The following AGFG2 variants were observed in gnomAD, a reference collection of about 807,000 sequenced individuals.
AGFG2 encodes the protein ArfGAP with FG repeats 2, also known as arf-GAP domain and FG repeat-containing protein 2.
A neutral mutation model predicts 48.0 loss-of-function variants in AGFG2; 31 were observed. The ratio of observed to expected loss-of-function variants is 0.65; its 90% CI spans 0.49 to 0.87. The LOEUF is 0.87. Ranked by LOEUF, AGFG2 falls within the 40% of genes least tolerant of loss-of-function variation. The probability of loss-of-function intolerance (pLI) is 0.00; values close to 1 mark genes in which losing one functional copy is unlikely to be tolerated. For synonymous variants in AGFG2, 229 were observed against 260.8 expected, an observed-to-expected ratio of 0.88 and a Z score of 1.18; for missense variants, 599 against 632.6, an observed-to-expected ratio of 0.95 and a Z score of 0.57.
chr7:100,564,600 T>C (rs1213278116), intron 11 of AGFG2, among the ~76,000 whole-genome samples: 1 of 150,934 alleles, frequency 6.6e-6, no homozygotes, highest in Admixed American at 6.6e-5. Flanking sequence ...ACCTCCTGAG[T>C]TCAAGCAATT....
chr7:100,562,297 G>A lies in AGFG2; in HGVS notation c.916G>A (p.Ala306Thr), dbSNP rs34537355. The A allele has an allele frequency of 4.3e-6, 7 of 1,612,818 alleles. No homozygotes were observed. In the African/African-American group the frequency reaches 6.7e-5, roughly 15 times the overall value. ...QGTPFGATPL[A>T]PASQPNSLAD... The stretch of plus-strand genomic sequence containing the variant: ...GACTCCATTTGGTGCCACTCCCCTG[G>A]CACCCGCCAGTCAGCCAAACAGCCT... The change falls in exon 7 of 12, where the codon GCA becomes ACA. Residue 306 changes from alanine to threonine, a missense_variant. Ala to Thr is a moderately conservative substitution (Grantham distance 58, BLOSUM62 0). Transcript: ENST00000300176. This position sits in a 1 kb window ranked among gnomAD's most constrained non-coding sequence, Gnocchi z 5.4.
At position 100,539,367 on chromosome 7, in the gene AGFG2, G is replaced by C; in HGVS notation, c.21G>C (p.Lys7Asn). ...CAGCGATGGTGATGGCGGCGAAGAA[G>C]GGCCCGGGCCCGGGCGGCGGGGTCA... MVMAAK[K>N]GPGPGGGVSG... The change falls in exon 1 of 12, where the codon AAG becomes AAC. Residue 7 changes from lysine to asparagine, a missense_variant. Coordinates refer to ENST00000300176, the MANE Select transcript of AGFG2 (RefSeq NM_006076.5). 7.9e-7 allele frequency: 1 copy of C among 1,270,460 alleles called. No homozygotes were observed. Among genetic ancestry groups the C allele is most frequent in the Non-Finnish European group, 1.0e-6 (1 of 1,004,478 alleles). 78.7% of individuals were successfully genotyped at this position (1,270,460 alleles called of 1,614,324 possible).
chr7:100,539,469 G>A lies in AGFG2; in HGVS notation c.123G>A (p.Gln41=). 2 of 1,320,132 alleles carry A rather than the reference G, an allele frequency of 1.5e-6. No homozygotes were observed. The highest frequency in any genetic ancestry group is 4.2e-5 in the South Asian group (2 of 47,716). The allele number at this position is 1,320,132 out of a possible 1,614,324, so 81.8% of individuals were successfully genotyped here. A position where few individuals can be genotyped will look rare whatever the true frequency, so the allele number is the denominator to read the frequency against. The change falls in exon 1 of 12, where the codon CAG becomes CAA. Residue 41 remains glutamine, a synonymous_variant. Transcript: ENST00000300176. ...RRVRELGGCS[Q]AGNRHCFECA... ...TGCGGGAGCTGGGTGGCTGCAGCCA[G>A]GCCGGGAACCGCCACTGCTTCGAGT...
intron 6 of AGFG2, among the ~76,000 whole-genome samples, chr7:100,557,005 C>T (rs1800772130): frequency 6.6e-6 from 1 of 152,102 alleles, no homozygotes; most frequent in Admixed American, 6.6e-5. Context: ...TGACATAAGC[C>T]TGGCCAACAT....
At chr7:100,557,924 T>C (rs1294319373) in intron 6 of AGFG2, among the ~76,000 whole-genome samples, 1 of 151,930 alleles carries the variant, frequency 6.6e-6, no homozygotes, top group Admixed American at 6.6e-5. Context: ...AAAAAAAATA[T>C]GAAAATAGGC....
chr7:100,558,356 T>C (rs1261062508), intron 6 of AGFG2, among the ~76,000 whole-genome samples: 1 of 152,154 alleles, frequency 6.6e-6, no homozygotes, highest in African/African-American at 2.4e-5. Flanking sequence ...AATGACCTTC[T>C]TGTGCGCTGT....
At chr7:100,561,485 G>A (rs1408311770) in intron 6 of AGFG2, among the ~76,000 whole-genome samples, 1 of 152,188 alleles carries the variant, frequency 6.6e-6, no homozygotes, top group Non-Finnish European at 1.5e-5. Context: ...CAGTGTGGTC[G>A]ATAGGGTCCC....
At chr7:100,554,387 G>A (rs1800716188) in intron 5 of AGFG2, 129 bp downstream of exon 5, 2 of 1,215,842 alleles carry the variant, frequency 1.6e-6, no homozygotes, top group Non-Finnish European at 2.2e-6. Context: ...CTCTGAAGCA[G>A]TGAGGCTGGG....
rs748026655 is a variant in AGFG2, at chr7:100,562,942, G to A, written c.1167G>A (p.Ala389=). The change falls in exon 9 of 12, where the codon GCG becomes GCA. Residue 389 remains alanine (A), a synonymous_variant. Transcript: ENST00000300176. This position sits in a 1 kb window ranked among gnomAD's most constrained non-coding sequence, Gnocchi z 5.4. Reference sequence around the variant, plus strand: ...ACCCGTTCCAGCCCAATGGCTTGGCGCCAGGTAAGCCTCCAGCATGGTCCC... The same window carrying A: ...ACCCGTTCCAGCCCAATGGCTTGGCACCAGGTAAGCCTCCAGCATGGTCCC... The part of the protein sequence containing the change: ...STNPFQPNGL[A]PGPGFGMSSA... 5.6e-6 allele frequency: 9 copies of A among 1,613,272 alleles called. 1 individual carries two copies. The highest frequency in any genetic ancestry group is 4.5e-5 in the East Asian group (2 of 44,858).
intron 6 of AGFG2, among the ~76,000 whole-genome samples, chr7:100,560,183 C>CT (rs113365559): frequency 1.7e-3 from 240 of 141,208 alleles, no homozygotes; most frequent in Middle Eastern, 3.7e-3. Flanking sequence ...ATGCTGCTGG[C>CT]TTTTTTTTTT....
chr7:100,541,468 G>A (rs940879687), intron 1 of AGFG2, among the ~76,000 whole-genome samples: 2 of 152,092 alleles, frequency 1.3e-5, no homozygotes, highest in African/African-American at 4.8e-5. Flanking sequence ...GAGAGATTGA[G>A]CAACGTTTAG....
intron 3 of AGFG2, among the ~76,000 whole-genome samples, chr7:100,550,952 T>C (rs1800618925): frequency 7.0e-6 from 1 of 143,734 alleles, no homozygotes; most frequent in Non-Finnish European, 1.5e-5. Context: ...TCTCAGCTTC[T>C]TGGAGCTCAG....
chr7:100,556,021 C>G, intron 6 of AGFG2: 1 of 305,862 alleles, frequency 3.3e-6, no homozygotes, highest in South Asian at 4.8e-5. Flanking sequence ...AGACCTGAGT[C>G]CTAGAAAAAT....
chr7:100,555,709 C>T lies in AGFG2; in HGVS notation c.851C>T (p.Ser284Leu), dbSNP rs1800746300. ...AGCCTCCCTCCAGCTGGTCAAGCCT[C>T]GTTCCAGGCCCAGCCAACTCCTGCA... Reference protein sequence around the residue: ...FGSLPPAGQASFQAQPTPAGS... With the variant: ...FGSLPPAGQALFQAQPTPAGS... Residue 284 changes from serine (S) to leucine (L), a missense_variant, in exon 6 of 12, where the codon TCG becomes TTG. Physicochemically the swap from Ser to Leu is moderately radical, Grantham distance 145 (BLOSUM62 -2). Coordinates refer to ENST00000300176, the MANE Select transcript of AGFG2 (RefSeq NM_006076.5). 4.3e-6 allele frequency: 7 copies of T among 1,614,008 alleles called. No individual in the cohort carries two copies. The highest frequency in any genetic ancestry group is 1.3e-5 in the African/African-American group (1 of 74,932).
chr7:100,564,155 C>G (rs1800946419), intron 10 of AGFG2, 63 bp from the exon 11 acceptor site: 6 of 1,567,726 alleles, frequency 3.8e-6, no homozygotes, highest in African/African-American at 2.7e-5. Flanking sequence ...GGAGGGCCCC[C>G]CTTGCTGTCC....
At chr7:100,552,255 T>A (rs1016784688) in intron 3 of AGFG2, among the ~76,000 whole-genome samples, 11 of 151,814 alleles carry the variant, frequency 7.2e-5, no homozygotes, top group Admixed American at 5.3e-4. Context: ...AAAAAAAAAA[T>A]AATAATACAA....
chr7:100,542,385 G>A (rs1252744289), intron 1 of AGFG2, among the ~76,000 whole-genome samples: 1 of 152,202 alleles, frequency 6.6e-6, no homozygotes, highest in Non-Finnish European at 1.5e-5. Flanking sequence ...GATTTAGAGA[G>A]CATATTTTGG....
intron 6 of AGFG2, chr7:100,556,228 T>G (rs980314782): frequency 5.3e-6 from 1 of 189,550 alleles, no homozygotes; most frequent in Non-Finnish European, 1.1e-5. Flanking sequence ...GGTGGGAGGA[T>G]CGCTTGAGCC....
intron 6 of AGFG2, among the ~76,000 whole-genome samples, chr7:100,559,554 T>C (rs1323632844): frequency 6.6e-6 from 1 of 152,110 alleles, no homozygotes; most frequent in African/African-American, 2.4e-5. Context: ...TGGTGGCTCA[T>C]GCCTGTAATC....
Sources: gnomAD v4.1 joint callset for allele counts (sites outside exome capture counted in the v4.1 genomes callset) on GRCh38, gnomAD v4.1.1 for gene constraint, Gnocchi (gnomAD v3.1) non-coding constraint, MANE v1.5 for transcripts, NCBI Gene and HGNC (gene_info 2026-07-23, HGNC 2026-07-21) for gene names.